Variants in WDR49 observed in about 807,000 individuals in gnomAD.
The protein encoded by WDR49 is WD repeat domain 49, also known as cilia- and flagella-associated protein 337.
In WDR49, 107 loss-of-function variants were observed where a neutral mutation model predicts 119.5. That is an observed-to-expected ratio of 0.90 (90% confidence interval 0.77 to 1.05). The LOEUF (loss-of-function observed/expected upper bound fraction) is 1.05, where lower values mean the gene tolerates loss of function less well. Among genes scored for constraint, WDR49 ranks in the 50% least tolerant of loss-of-function variants. The pLI, the probability that WDR49 is intolerant of heterozygous loss-of-function variation, is 0.00. For synonymous variants in WDR49, 425 were observed against 418.8 expected (o/e 1.01, Z -0.18); for missense variants, 1,240 against 1,220.5 (o/e 1.02, Z -0.24).
chr3:167,547,487 A>C (rs973419731), intron 10 of WDR49, among the ~76,000 whole-genome samples: 1 of 151,770 alleles, frequency 6.6e-6, no homozygotes, highest in African/African-American at 2.4e-5. Context: ...GAAAGATAGA[A>C]TACTTCTCAT....
chr3:167,611,800 TA>T (rs1716352364), intron 5 of WDR49, among the ~76,000 whole-genome samples: 1 of 152,086 alleles, frequency 6.6e-6, no homozygotes, highest in Admixed American at 6.6e-5. Context: ...AAACTTTAAA[TA>T]AAAATGCAGC....
chr3:167,653,171 T>C, intron 2 of WDR49, 90 bp downstream of exon 2: 3 of 1,417,320 alleles, frequency 2.1e-6, no homozygotes, highest in Non-Finnish European at 2.9e-6. Flanking sequence ...AGTGTATTTT[T>C]TTAATGCTTA....
At chr3:167,569,154 G>T (rs1032141181) in intron 8 of WDR49, among the ~76,000 whole-genome samples, 1 of 152,058 alleles carries the variant, frequency 6.6e-6, no homozygotes, top group East Asian at 1.9e-4. Flanking sequence ...ATGTTGGCCA[G>T]GCTGGTCTTG....
intron 16 of WDR49, among the ~76,000 whole-genome samples, chr3:167,508,773 T>G (rs1560257357): frequency 6.6e-6 from 1 of 152,214 alleles, no homozygotes; most frequent in Non-Finnish European, 1.5e-5. Flanking sequence ...ATAGGATAGT[T>G]ATTGCCAGAT....
intron 2 of WDR49, chr3:167,633,588 T>TA (rs1203580633): frequency 4.7e-5 from 20 of 429,650 alleles, no homozygotes; most frequent in African/African-American, 3.7e-4. Flanking sequence ...CCTTTCAATC[T>TA]AAAAAATGAA....
intron 7 of WDR49, among the ~76,000 whole-genome samples, chr3:167,587,281 A>G (rs1187893302): frequency 6.6e-6 from 1 of 152,214 alleles, no homozygotes; most frequent in Non-Finnish European, 1.5e-5. Flanking sequence ...AATGAAACAA[A>G]GTGCTAAAAG....
At chr3:167,488,715 A>G (rs1424215503) in intron 18 of WDR49, among the ~76,000 whole-genome samples, 1 of 152,044 alleles carries the variant, frequency 6.6e-6, no homozygotes, top group African/African-American at 2.4e-5. Context: ...TAGATGAATC[A>G]GGTCACATTC....
rs568372254 is a variant in WDR49, at chr3:167,547,758, C to G, written c.1823+6892G>C. Among the ~76,000 whole-genome samples, 19 of 151,132 alleles carry G rather than the reference C, an allele frequency of 1.3e-4. No homozygotes were observed. The East Asian group carries it at 3.7e-3, about 29-fold the overall frequency. ...ATGACACCAGTGAACAGTTTTTACC[C>G]AAGCTAACCAAAAACAGAATAATAT... On this transcript the variant is annotated intron_variant, in intron 10 of 18. Coordinates refer to ENST00000682715, the MANE Select transcript of WDR49 (RefSeq NM_001366157.1).
At chr3:167,642,297 C>CA (rs984174798) in intron 2 of WDR49, among the ~76,000 whole-genome samples, 5 of 151,614 alleles carry the variant, frequency 3.3e-5, no homozygotes, top group African/African-American at 4.8e-5. Flanking sequence ...CAATATAATG[C>CA]AAAAAAACTG....
intron 7 of WDR49, among the ~76,000 whole-genome samples, chr3:167,597,506 A>C (rs1715542813): frequency 6.6e-6 from 1 of 152,134 alleles, no homozygotes; most frequent in Non-Finnish European, 1.5e-5. Flanking sequence ...GAGCTGTGAG[A>C]AGAGGGCCAC....
intron 17 of WDR49, among the ~76,000 whole-genome samples, chr3:167,503,283 C>A (rs13079312): frequency 0.14 from 21,039 of 152,226 alleles, 2,012 homozygotes; most frequent in East Asian, 0.4. Flanking sequence ...AGCAAGAAAC[C>A]TGCAGCAGGG....
chr3:167,540,632 C>A (rs1711757856), intron 10 of WDR49, among the ~76,000 whole-genome samples: 1 of 152,104 alleles, frequency 6.6e-6, no homozygotes, highest in Non-Finnish European at 1.5e-5. Flanking sequence ...GGTAATATGA[C>A]AAATCAAGAT....
chr3:167,638,092 T>C (rs1379377195), intron 2 of WDR49, among the ~76,000 whole-genome samples: 1 of 151,586 alleles, frequency 6.6e-6, no homozygotes, highest in Non-Finnish European at 1.5e-5. Context: ...GTAATAAGCA[T>C]CACATTAACT....
chr3:167,539,008 C>T (rs1430320253), intron 10 of WDR49, among the ~76,000 whole-genome samples: 2 of 152,068 alleles, frequency 1.3e-5, no homozygotes. Context: ...CTCTATTCTT[C>T]TATCCTTGCT....
At chr3:167,535,459 C>G (rs1036237928) in intron 11 of WDR49, among the ~76,000 whole-genome samples, 1 of 152,082 alleles carries the variant, frequency 6.6e-6, no homozygotes, top group Non-Finnish European at 1.5e-5. Context: ...CAAAAGAAGA[C>G]ACACAAATGG....
chr3:167,611,860 G>A (rs775718783), intron 5 of WDR49, among the ~76,000 whole-genome samples: 12 of 152,166 alleles, frequency 7.9e-5, no homozygotes, highest in Non-Finnish European at 1.3e-4. Context: ...TAGAACTGAA[G>A]AGAGAGATAG....
rs573447547 is a variant in WDR49 at position 167,521,842 on chromosome 3, T to TA, written c.2774+472dup. Among the ~76,000 whole-genome samples the TA allele has an allele frequency of 1.6e-4, 24 of 152,162 alleles. 1 individual carries two copies. The South Asian group carries it at 5.0e-3, about 32-fold the overall frequency. On this transcript the variant is annotated intron_variant, in intron 16 of 18. Transcript: ENST00000682715. ...TGAAGAGAAGAACGTCTGAGCAACATAGAGAGACGAGAAGCCTTAAGGAAG... is the reference window on the plus strand; with the variant it reads ...TGAAGAGAAGAACGTCTGAGCAACATAAGAGAGACGAGAAGCCTTAAGGAAG...
intron 2 of WDR49, among the ~76,000 whole-genome samples, chr3:167,651,342 A>T (rs571254849): frequency 6.6e-6 from 1 of 152,320 alleles, no homozygotes; most frequent in South Asian, 2.1e-4. Flanking sequence ...TTAGAGTTCA[A>T]AGTTGCAGGA....
At chr3:167,632,097 C>A (rs1016724920) in intron 2 of WDR49, among the ~76,000 whole-genome samples, 2 of 151,962 alleles carry the variant, frequency 1.3e-5, no homozygotes. Flanking sequence ...AAAACTAAGG[C>A]AATGTTGATT....
Sources: gnomAD v4.1 joint callset for allele counts (sites outside exome capture counted in the v4.1 genomes callset) on GRCh38, gnomAD v4.1.1 for gene constraint, MANE v1.5 for transcripts, NCBI Gene and HGNC (gene_info 2026-07-23, HGNC 2026-07-21) for gene names.